The following PCSK5 variants were observed in gnomAD, a reference collection of about 807,000 sequenced individuals.
PCSK5 encodes the protein proprotein convertase subtilisin/kexin type 5, also known as prohormone convertase 5.
In PCSK5, 129 loss-of-function variants were observed where a neutral mutation model predicts 233.2. The observed-to-expected ratio is 0.55, with a 90% CI of 0.48 to 0.64. PCSK5 has a LOEUF of 0.64. Ranked by LOEUF, PCSK5 falls within the 30% of genes least tolerant of loss-of-function variation. The pLI, the probability that PCSK5 is intolerant of heterozygous loss-of-function variation, is 0.00. For synonymous variants in PCSK5, 825 were observed against 879.2 expected (o/e 0.94, Z 1.09); for missense variants, 2,076 against 2,430.1 (o/e 0.85, Z 3.06).
chr9:76,293,204 G>A (rs1292925846), intron 25 of PCSK5, among the ~76,000 whole-genome samples: 1 of 152,108 alleles, frequency 6.6e-6, no homozygotes, highest in Non-Finnish European at 1.5e-5. Context: ...ACAAGAGAAG[G>A]CGACCCACCT....
intron 1 of PCSK5, among the ~76,000 whole-genome samples, chr9:75,908,961 A>G (rs200582926): frequency 8.0e-5 from 9 of 112,622 alleles, no homozygotes; most frequent in African/African-American, 2.4e-4. Flanking sequence ...CTATCTATCT[A>G]TCTATCTATC....
intron 9 of PCSK5, among the ~76,000 whole-genome samples, chr9:76,126,151 CTT>C (rs1311920843): frequency 1.4e-5 from 2 of 140,112 alleles, no homozygotes; most frequent in South Asian, 4.7e-4. Context: ...TTCTGTTAGT[CTT>C]TGTTGATTTT....
intron 20 of PCSK5, among the ~76,000 whole-genome samples, chr9:76,218,640 A>T (rs1182192734): frequency 3.3e-5 from 5 of 151,872 alleles, no homozygotes; most frequent in African/African-American, 7.3e-5. Flanking sequence ...CTGTTTTCTC[A>T]TTTGATCCCC....
At chr9:75,907,611 C>A (rs781109328) in intron 1 of PCSK5, among the ~76,000 whole-genome samples, 1 of 152,112 alleles carries the variant, frequency 6.6e-6, no homozygotes, top group Non-Finnish European at 1.5e-5. Flanking sequence ...TGACAGCACG[C>A]ACTCCGAGAG....
chr9:75,890,648 A>T (rs1825548049), upstream of PCSK5: 1 of 153,178 alleles, frequency 6.5e-6, no homozygotes. Flanking sequence ...GAAGTCATTT[A>T]TGCAGAGCAG....
intron 8 of PCSK5, among the ~76,000 whole-genome samples, chr9:76,100,920 A>C (rs1831728514): frequency 6.6e-6 from 1 of 152,092 alleles, no homozygotes; most frequent in Non-Finnish European, 1.5e-5. Flanking sequence ...CTGATGTGCA[A>C]AGTCCCGTCT....
chr9:76,035,264 A>G (rs973780493), intron 5 of PCSK5, among the ~76,000 whole-genome samples: 5 of 152,202 alleles, frequency 3.3e-5, no homozygotes, highest in Non-Finnish European at 2.9e-5. Flanking sequence ...AATTCATGGC[A>G]ATTGTCTAAA....
rs768389618 is a variant in PCSK5 at position 76,292,218 on chromosome 9, A to T, written c.3143-15A>T. ...TTCCTCATGATTATTACTTTTTATT[A>T]TTTTTTTTTTCCAGATGATCCAGGA... On this transcript the variant is annotated splice_polypyrimidine_tract_variant and intron_variant, in intron 24 of 37. Transcript: ENST00000674117. 170 of 1,404,992 alleles carry T rather than the reference A, an allele frequency of 1.2e-4. No homozygotes were observed. The highest frequency in any genetic ancestry group is 1.5e-4 in the Non-Finnish European group (155 of 1,007,022). 87.0% of individuals were successfully genotyped at this position (1,404,992 alleles called of 1,614,324 possible). A position where few individuals can be genotyped will look rare whatever the true frequency, so the allele number is the denominator to read the frequency against.
rs182949257 is a variant in PCSK5 at position 76,060,091 on chromosome 9, T to C, written c.633-7864T>C. On this transcript the variant is annotated intron_variant, in intron 5 of 37. Coordinates refer to ENST00000674117, the MANE Select transcript of PCSK5 (RefSeq NM_001372043.1). Reference sequence around the variant, plus strand: ...GAAATGTTCTTCAGAAAGAAATCAATGATCCAAGAGGGAAGTATGAGCTGC... The same window carrying C: ...GAAATGTTCTTCAGAAAGAAATCAACGATCCAAGAGGGAAGTATGAGCTGC... Among the ~76,000 whole-genome samples the C allele has an allele frequency of 8.2e-3, 1,246 of 152,252 alleles. 22 individuals are homozygous for C. The highest frequency in any genetic ancestry group is 0.025 in the African/African-American group (1,050 of 41,552).
intron 20 of PCSK5, among the ~76,000 whole-genome samples, chr9:76,213,860 C>G (rs1299373314): frequency 6.6e-6 from 1 of 152,126 alleles, no homozygotes; most frequent in African/African-American, 2.4e-5. Context: ...CTTTCCTTGT[C>G]TCTCTCTGAA....
chr9:75,970,444 G>T (rs1474529440), intron 2 of PCSK5, among the ~76,000 whole-genome samples: 1 of 152,030 alleles, frequency 6.6e-6, no homozygotes, highest in Non-Finnish European at 1.5e-5. Context: ...GCCTGTTTAG[G>T]CTTTTATTCT....
intron 24 of PCSK5, among the ~76,000 whole-genome samples, chr9:76,270,060 C>T (rs1287889210): frequency 6.6e-6 from 1 of 151,606 alleles, no homozygotes; most frequent in Non-Finnish European, 1.5e-5. Flanking sequence ...AAGTGAATCA[C>T]ACAGGATGTC....
chr9:76,193,205 C>A lies in PCSK5; in HGVS notation c.2626+3459C>A, dbSNP rs768258554. 6 of 1,605,720 alleles carry A rather than the reference C, an allele frequency of 3.7e-6. No homozygotes were observed. In the South Asian group the frequency reaches 5.5e-5, roughly 15 times the overall value. On this transcript the variant is annotated intron_variant, in intron 20 of 37. Transcript: ENST00000674117. ...TACATCATGCTGCTCTCGTCTTCAACTCCCCTTCTCTCTTGCTGACTTCTG... is the reference window on the plus strand; with the variant it reads ...TACATCATGCTGCTCTCGTCTTCAAATCCCCTTCTCTCTTGCTGACTTCTG...
intron 24 of PCSK5, among the ~76,000 whole-genome samples, chr9:76,290,370 A>T (rs941028243): frequency 6.6e-6 from 1 of 152,022 alleles, no homozygotes; most frequent in Non-Finnish European, 1.5e-5. Context: ...TCCTGGTTCC[A>T]CCTAATTAGC....
At chr9:75,992,742 G>A (rs1373027390) in intron 3 of PCSK5, among the ~76,000 whole-genome samples, 1 of 152,066 alleles carries the variant, frequency 6.6e-6, no homozygotes. Flanking sequence ...GATGAATATT[G>A]TGTGGCCTAT....
intron 36 of PCSK5, among the ~76,000 whole-genome samples, chr9:76,353,266 C>T (rs1427656670): frequency 6.6e-6 from 1 of 152,158 alleles, no homozygotes; most frequent in African/African-American, 2.4e-5. Flanking sequence ...ATTTCCAGCA[C>T]CAGTCAAGGA....
At chr9:76,059,008 G>C (rs1829930335) in intron 5 of PCSK5, among the ~76,000 whole-genome samples, 1 of 151,984 alleles carries the variant, frequency 6.6e-6, no homozygotes, top group Non-Finnish European at 1.5e-5. Flanking sequence ...AAAAAAGAAA[G>C]AAAAGAAATG....
chr9:76,333,722 G>T (rs1474880068), intron 34 of PCSK5, among the ~76,000 whole-genome samples: 1 of 152,102 alleles, frequency 6.6e-6, no homozygotes, highest in Non-Finnish European at 1.5e-5. Context: ...CAAATCAAGG[G>T]CTGTAACCTT....
intron 2 of PCSK5, among the ~76,000 whole-genome samples, chr9:75,971,466 G>T (rs1825812927): frequency 6.6e-6 from 1 of 152,252 alleles, no homozygotes; most frequent in South Asian, 2.1e-4. Context: ...GGATTTCTGG[G>T]TCAGATGGTA....
Sources: gnomAD v4.1 joint callset for allele counts (sites outside exome capture counted in the v4.1 genomes callset) on GRCh38, gnomAD v4.1.1 for gene constraint, MANE v1.5 for transcripts, NCBI Gene and HGNC (gene_info 2026-07-23, HGNC 2026-07-21) for gene names.